The following FHIT variants were observed in gnomAD, a reference collection of about 807,000 sequenced individuals.
FHIT encodes the protein fragile histidine triad diadenosine triphosphatase, also known as bis(5'-adenosyl)-triphosphatase.
In FHIT, 19 loss-of-function variants were observed where a neutral mutation model predicts 17.9. The ratio of observed to expected loss-of-function variants is 1.06; its 90% CI spans 0.74 to 1.56. The LOEUF (loss-of-function observed/expected upper bound fraction) is 1.56, where lower values mean the gene tolerates loss of function less well. Ranked by LOEUF, FHIT falls within the 40% of genes most tolerant of loss-of-function variation. The pLI is 0.00. For synonymous variants in FHIT, 81 were observed against 69.7 expected (o/e 1.16, Z -0.81); for missense variants, 248 against 189.2 (o/e 1.31, Z -1.82).
At chr3:60,411,588 C>T (rs1015411311) in intron 5 of FHIT, among the ~76,000 whole-genome samples, 1 of 152,276 alleles carries the variant, frequency 6.6e-6, no homozygotes, top group South Asian at 2.1e-4. Flanking sequence ...GTCTTCTCAG[C>T]TGAACGTTGT....
At chr3:60,825,712 G>A (rs1702086961) in intron 3 of FHIT, among the ~76,000 whole-genome samples, 1 of 152,078 alleles carries the variant, frequency 6.6e-6, no homozygotes, top group Non-Finnish European at 1.5e-5. Flanking sequence ...ATCTGAGGTG[G>A]AACAGTTTCA....
At chr3:60,060,944 C>T (rs945429948) in intron 5 of FHIT, among the ~76,000 whole-genome samples, 3 of 152,142 alleles carry the variant, frequency 2.0e-5, no homozygotes, top group African/African-American at 7.2e-5. Flanking sequence ...TGTGAAGGAG[C>T]TAAGATCTAG....
intron 5 of FHIT, among the ~76,000 whole-genome samples, chr3:60,266,558 T>C (rs912106753): frequency 1.3e-5 from 2 of 152,058 alleles, no homozygotes; most frequent in Admixed American, 6.6e-5. Flanking sequence ...GCTACATATA[T>C]TATATCTCTC....
intron 8 of FHIT, among the ~76,000 whole-genome samples, chr3:59,837,372 A>G (rs949522199): frequency 6.6e-5 from 10 of 152,220 alleles, no homozygotes; most frequent in South Asian, 2.1e-4. Context: ...TATGTATAAT[A>G]CCTAATACAA....
chr3:60,119,745 A>T (rs1322161019), intron 5 of FHIT, among the ~76,000 whole-genome samples: 5 of 152,128 alleles, frequency 3.3e-5, no homozygotes, highest in African/African-American at 1.2e-4. Context: ...CTACCTCTTC[A>T]GGCTTTTTTC....
chr3:60,091,914 A>G (rs1158462263), intron 5 of FHIT, among the ~76,000 whole-genome samples: 1 of 152,050 alleles, frequency 6.6e-6, no homozygotes, highest in Admixed American at 6.6e-5. Context: ...TTTCTTTATA[A>G]ATTACCCAGT....
intron 5 of FHIT, among the ~76,000 whole-genome samples, chr3:60,476,196 TG>T (rs1439027538): frequency 6.6e-6 from 1 of 152,162 alleles, no homozygotes; most frequent in African/African-American, 2.4e-5. Flanking sequence ...TCAGTGTCCC[TG>T]AGTGTAAAAT....
chr3:60,804,113 A>G (rs1166663320), intron 4 of FHIT, among the ~76,000 whole-genome samples: 2 of 152,050 alleles, frequency 1.3e-5, no homozygotes, highest in African/African-American at 4.8e-5. Flanking sequence ...TCCTTTCATA[A>G]CCCTGTCCTA....
At chr3:60,798,661 A>G (rs1240668608) in intron 4 of FHIT, among the ~76,000 whole-genome samples, 1 of 151,922 alleles carries the variant, frequency 6.6e-6, no homozygotes, top group East Asian at 1.9e-4. Flanking sequence ...ACTGTCTTGA[A>G]TTACAGTCTA....
intron 2 of FHIT, among the ~76,000 whole-genome samples, chr3:61,053,239 C>T (rs994724038): frequency 6.6e-5 from 10 of 152,086 alleles, no homozygotes; most frequent in Non-Finnish European, 1.3e-4. Flanking sequence ...CCTGCCATGC[C>T]TCTTGAGAAG....
chr3:60,406,790 G>C (rs1428893630), intron 5 of FHIT, among the ~76,000 whole-genome samples: 1 of 151,988 alleles, frequency 6.6e-6, no homozygotes, highest in African/African-American at 2.4e-5. Flanking sequence ...CCTAATGTTG[G>C]CAACTGTTTA....
intron 3 of FHIT, among the ~76,000 whole-genome samples, chr3:61,005,022 G>A (rs557243973): frequency 5.0e-4 from 76 of 152,292 alleles, no homozygotes; most frequent in African/African-American, 1.8e-3. Flanking sequence ...AGAGGGAGAA[G>A]AACCAATGTT....
intron 7 of FHIT, among the ~76,000 whole-genome samples, chr3:59,966,214 A>G (rs1707919704): frequency 6.6e-6 from 1 of 152,194 alleles, no homozygotes; most frequent in Admixed American, 6.5e-5. Flanking sequence ...CAAAAACTAG[A>G]AGCTGGCACC....
chr3:60,942,660 C>T (rs941721912), intron 3 of FHIT, among the ~76,000 whole-genome samples: 20 of 151,778 alleles, frequency 1.3e-4, no homozygotes, highest in Admixed American at 1.1e-3. Context: ...ATTTTTTGCT[C>T]GGTTGATCTT....
rs1238631589 is a variant in FHIT, at chr3:59,749,180, A to AT, written c.*404dup. On this transcript the variant is annotated 3_prime_UTR_variant, in exon 10 of 10. Coordinates refer to ENST00000492590, the MANE Select transcript of FHIT (RefSeq NM_002012.4). ...ATGTATAAAAATTCAATATGTAGAC[A>AT]TTTTTTTTGAAAAGGGAAGAAATAA... The AT allele has an allele frequency of 7.0e-5, 16 of 229,468 alleles. No homozygotes were observed. In the South Asian group the frequency reaches 9.2e-4, roughly 13 times the overall value. The allele number at this position is 229,468 out of a possible 1,614,324, so 14.2% of individuals were successfully genotyped here.
At chr3:60,887,426 T>C (rs1479782009) in intron 3 of FHIT, among the ~76,000 whole-genome samples, 2 of 151,942 alleles carry the variant, frequency 1.3e-5, no homozygotes, top group African/African-American at 4.8e-5. Flanking sequence ...GGGCAGATCA[T>C]CTGAGGTCAG....
chr3:60,519,105 CAT>C (rs974176128), intron 5 of FHIT, among the ~76,000 whole-genome samples: 5 of 151,976 alleles, frequency 3.3e-5, no homozygotes, highest in African/African-American at 1.2e-4. Flanking sequence ...TCAAGAGAAA[CAT>C]GTAAGAACAA....
chr3:60,690,515 A>T (rs1247990870), intron 4 of FHIT: 3 of 561,734 alleles, frequency 5.3e-6, no homozygotes, highest in Non-Finnish European at 1.1e-5. Flanking sequence ...CCATTATGGC[A>T]TGTGAAGTCA....
At chr3:60,574,267 T>C (rs2037489916) in intron 4 of FHIT, among the ~76,000 whole-genome samples, 1 of 152,058 alleles carries the variant, frequency 6.6e-6, no homozygotes, top group Non-Finnish European at 1.5e-5. Flanking sequence ...CTGCCTTTTC[T>C]TGAAGAACAA....
Sources: gnomAD v4.1 joint callset for allele counts (sites outside exome capture counted in the v4.1 genomes callset) on GRCh38, gnomAD v4.1.1 for gene constraint, MANE v1.5 for transcripts, NCBI Gene and HGNC (gene_info 2026-07-23, HGNC 2026-07-21) for gene names.